USP37: variants seen among roughly 807,000 people sequenced by gnomAD.
USP37 encodes the protein ubiquitin carboxyl-terminal hydrolase 37.
A neutral mutation model predicts 124.0 loss-of-function variants in USP37; 27 were observed. That is an observed-to-expected ratio of 0.22 (90% CI 0.16 to 0.30). USP37 has a LOEUF of 0.30. Among genes scored for constraint, USP37 ranks in the 10% least tolerant of loss-of-function variants. USP37 has a pLI of 1.00. For synonymous variants in USP37, 365 were observed against 388.0 expected (o/e 0.94, Z 0.70); for missense variants, 889 against 1,140.4 (o/e 0.78, Z 3.17).
chr2:218,486,264 A>C (rs929907371), intron 15 of USP37: 1 of 152,398 alleles, frequency 6.6e-6, no homozygotes, highest in African/African-American at 2.4e-5. Flanking sequence ...GAGAACACTG[A>C]AACAAGAAAT....
At chr2:218,542,690 G>T (rs1692055711) in intron 8 of USP37, among the ~76,000 whole-genome samples, 1 of 152,194 alleles carries the variant, frequency 6.6e-6, no homozygotes, top group Non-Finnish European at 1.5e-5. Flanking sequence ...TGATAGAATA[G>T]CTGGGAGCAT....
chr2:218,494,212 G>C (rs925892568), intron 14 of USP37, among the ~76,000 whole-genome samples: 1 of 152,200 alleles, frequency 6.6e-6, no homozygotes, highest in Admixed American at 6.5e-5. Context: ...ATGCTAGAAT[G>C]TTATAGCTGG....
intron 11 of USP37, among the ~76,000 whole-genome samples, chr2:218,509,380 G>A (rs528859459): frequency 3.2e-4 from 48 of 152,030 alleles, no homozygotes; most frequent in Non-Finnish European, 4.9e-4. Flanking sequence ...GACTTGTTGC[G>A]AAGATTTAAA....
At chr2:218,486,223 G>A (rs961534474) in intron 15 of USP37, 1 of 152,592 alleles carries the variant, frequency 6.6e-6, no homozygotes, top group Non-Finnish European at 1.5e-5. Flanking sequence ...GCTTTAAAAG[G>A]ATGAAAAGTT....
chr2:218,535,656 A>G (rs1373416124), intron 8 of USP37, among the ~76,000 whole-genome samples: 1 of 152,062 alleles, frequency 6.6e-6, no homozygotes, highest in Non-Finnish European at 1.5e-5. Context: ...GGAGATCAAG[A>G]CCATCCTGGT....
At chr2:218,455,830 G>A (rs556266597) in intron 24 of USP37, 112 bp from the exon 25 acceptor site, 17 of 1,156,114 alleles carry the variant, frequency 1.5e-5, no homozygotes, top group Admixed American at 2.7e-5. Flanking sequence ...GGCGGATCAC[G>A]AGGTCAGGAG....
intron 11 of USP37, among the ~76,000 whole-genome samples, chr2:218,508,441 C>T (rs1689800151): frequency 2.0e-5 from 3 of 151,906 alleles, no homozygotes; most frequent in Non-Finnish European, 4.4e-5. Flanking sequence ...GCCTAGAGTA[C>T]CAAGGGTGGC....
At chr2:218,567,862 G>A (rs895895632) in intron 1 of USP37, among the ~76,000 whole-genome samples, 3 of 152,186 alleles carry the variant, frequency 2.0e-5, no homozygotes, top group Non-Finnish European at 2.9e-5. Context: ...GTGCCGTAAC[G>A]AAAGTCACCT....
At chr2:218,531,920 C>A (rs1574933805) in intron 9 of USP37, among the ~76,000 whole-genome samples, 1 of 152,266 alleles carries the variant, frequency 6.6e-6, no homozygotes, top group South Asian at 2.1e-4. Context: ...TTGCTTCCTA[C>A]GGATGAGCAA....
intron 14 of USP37, among the ~76,000 whole-genome samples, chr2:218,493,790 C>G (rs1204700966): frequency 1.3e-5 from 2 of 152,096 alleles, no homozygotes; most frequent in Non-Finnish European, 2.9e-5. Context: ...CTGCTTTCTT[C>G]TGGGTTGCCT....
chr2:218,532,962 T>TTAG (rs1691417489), intron 9 of USP37, among the ~76,000 whole-genome samples: 1 of 151,924 alleles, frequency 6.6e-6, no homozygotes. Context: ...TTATTTTTTT[T>TTAG]TTAGACATAA....
chr2:218,564,360 TA>T (rs1249274019), intron 1 of USP37, among the ~76,000 whole-genome samples: 4 of 152,242 alleles, frequency 2.6e-5, no homozygotes, highest in African/African-American at 9.6e-5. Context: ...ATATTATCTC[TA>T]TTTCACAGAT....
At chr2:218,488,253 T>C (rs1426919557) in intron 15 of USP37, 51 bp downstream of exon 15, 2 of 1,134,890 alleles carry the variant, frequency 1.8e-6, no homozygotes, top group Non-Finnish European at 2.5e-6. Context: ...CAAATACAAC[T>C]ATCAATGATA....
intron 10 of USP37, among the ~76,000 whole-genome samples, chr2:218,526,785 CTTTTTTT>C (rs71064454): frequency 9.2e-5 from 7 of 75,922 alleles, no homozygotes; most frequent in East Asian, 5.3e-4. Flanking sequence ...ATTTCATTTG[CTTTTTTT>C]TTTTTTTTTT....
chr2:218,528,074 C>T (rs1037956742), intron 10 of USP37, among the ~76,000 whole-genome samples: 17 of 151,914 alleles, frequency 1.1e-4, no homozygotes, highest in African/African-American at 2.9e-4. Context: ...TGTTGGTGGG[C>T]GCCTGTAATA....
intron 11 of USP37, among the ~76,000 whole-genome samples, chr2:218,502,044 G>C (rs1032574066): frequency 1.3e-5 from 2 of 151,946 alleles, no homozygotes; most frequent in South Asian, 4.1e-4. Flanking sequence ...CTTTAGGAAA[G>C]GAAGCAAATT....
At chr2:218,534,904 T>C (rs687747) in intron 8 of USP37, among the ~76,000 whole-genome samples, 198 bp from the exon 9 acceptor site, 100,741 of 152,046 alleles carry the variant, frequency 0.66, 33,824 homozygotes, top group East Asian at 0.9. Context: ...CTTTAATTAC[T>C]ATCTCAAGAG....
chr2:218,471,631 A>G (rs1308750372), intron 20 of USP37, among the ~76,000 whole-genome samples: 2 of 152,092 alleles, frequency 1.3e-5, no homozygotes, highest in Non-Finnish European at 2.9e-5. Context: ...TGCCTTCCTC[A>G]TATCAGCAAA....
intron 9 of USP37, among the ~76,000 whole-genome samples, chr2:218,533,579 A>ATT (rs1691456204): frequency 6.6e-6 from 1 of 152,206 alleles, no homozygotes; most frequent in East Asian, 1.9e-4. Flanking sequence ...CTATAGGCTG[A>ATT]TTATAAAAGC....
Sources: gnomAD v4.1 joint callset for allele counts (sites outside exome capture counted in the v4.1 genomes callset) on GRCh38, gnomAD v4.1.1 for gene constraint, MANE v1.5 for transcripts, NCBI Gene and HGNC (gene_info 2026-07-23, HGNC 2026-07-21) for gene names.